RBMS3: variants seen among roughly 807,000 people sequenced by gnomAD.
RBMS3 encodes RNA-binding motif, single-stranded-interacting protein 3.
In RBMS3, 27 loss-of-function variants were observed where a neutral mutation model predicts 66.8. The ratio of observed to expected loss-of-function variants is 0.40; its 90% CI spans 0.30 to 0.56. The LOEUF (loss-of-function observed/expected upper bound fraction) is 0.56, where lower values mean the gene tolerates loss of function less well. Among genes scored for constraint, RBMS3 ranks in the 20% least tolerant of loss-of-function variants. The pLI, the probability that RBMS3 is intolerant of heterozygous loss-of-function variation, is 0.40. For missense variants in RBMS3, 513 were observed against 549.5 expected (o/e 0.93, Z 0.66); for synonymous variants, 188 against 183.0 (o/e 1.03, Z -0.22).
intron 2 of RBMS3, among the ~76,000 whole-genome samples, chr3:29,456,474 T>C (rs915416249): frequency 1.3e-5 from 2 of 152,196 alleles, no homozygotes; most frequent in African/African-American, 4.8e-5. Flanking sequence ...CGCATCTTAG[T>C]GATGATAATT....
intron 4 of RBMS3, among the ~76,000 whole-genome samples, chr3:29,676,790 G>A (rs2051276058): frequency 6.6e-6 from 1 of 151,798 alleles, no homozygotes. Flanking sequence ...AACTTTACTG[G>A]GTGTAAAACA....
intron 3 of RBMS3, among the ~76,000 whole-genome samples, chr3:29,560,946 C>T (rs563876907): frequency 8.5e-5 from 13 of 152,274 alleles, no homozygotes; most frequent in South Asian, 4.1e-4. Context: ...TGTGTCCATG[C>T]GTTCTCATCA....
intron 6 of RBMS3, among the ~76,000 whole-genome samples, chr3:29,856,055 T>G (rs1367053048): frequency 6.6e-6 from 1 of 152,152 alleles, no homozygotes; most frequent in African/African-American, 2.4e-5. Flanking sequence ...ATAAATGAAA[T>G]TGATTTATAA....
At chr3:29,781,089 A>T (rs576870720) in intron 6 of RBMS3, among the ~76,000 whole-genome samples, 2 of 150,436 alleles carry the variant, frequency 1.3e-5, no homozygotes, top group Non-Finnish European at 3.0e-5. Context: ...AGCATTAGGT[A>T]TGTCTCCTAA....
chr3:29,957,056 T>C (rs1225198438), intron 12 of RBMS3, among the ~76,000 whole-genome samples: 1 of 152,146 alleles, frequency 6.6e-6, no homozygotes, highest in African/African-American at 2.4e-5. Flanking sequence ...AACCTGCTAA[T>C]GCTGGCTTGT....
intron 3 of RBMS3, among the ~76,000 whole-genome samples, chr3:29,571,656 A>G (rs1483555498): frequency 1.3e-5 from 2 of 152,156 alleles, no homozygotes; most frequent in Non-Finnish European, 2.9e-5. Context: ...TGCCAGTACC[A>G]TGCTGTTTTG....
At chr3:29,783,639 T>TA (rs553467462) in intron 6 of RBMS3, among the ~76,000 whole-genome samples, 13 of 151,386 alleles carry the variant, frequency 8.6e-5, no homozygotes, top group African/African-American at 2.7e-4. Context: ...ATAACACAAT[T>TA]AAAAAAAAGT....
chr3:29,997,904 G>A (rs1034730502), intron 14 of RBMS3, among the ~76,000 whole-genome samples: 8 of 152,140 alleles, frequency 5.3e-5, no homozygotes, highest in Non-Finnish European at 1.2e-4. Context: ...ACATTGTGTT[G>A]GAAGTTCTGG....
intron 2 of RBMS3, among the ~76,000 whole-genome samples, chr3:29,446,970 G>A (rs540919429): frequency 1.3e-3 from 157 of 123,790 alleles, no homozygotes; most frequent in Non-Finnish European, 1.8e-3. Flanking sequence ...GCTGGAGTTC[G>A]TGGTGCCATC....
At chr3:29,719,097 G>A (rs59433395) in intron 4 of RBMS3, among the ~76,000 whole-genome samples, 8,597 of 152,016 alleles carry the variant, frequency 0.057, 315 homozygotes, top group African/African-American at 0.1. Flanking sequence ...TTGTTAAAAC[G>A]CAGATCTGAT....
chr3:29,394,182 A>G (rs1313983980), intron 1 of RBMS3, among the ~76,000 whole-genome samples: 3 of 152,170 alleles, frequency 2.0e-5, no homozygotes, highest in Non-Finnish European at 4.4e-5. Flanking sequence ...CCCCCTGGGA[A>G]TGCATTCCTT....
intron 1 of RBMS3, among the ~76,000 whole-genome samples, chr3:29,340,304 A>T (rs1324423633): frequency 6.6e-6 from 1 of 152,140 alleles, no homozygotes; most frequent in Non-Finnish European, 1.5e-5. Context: ...TACCAGTTTC[A>T]TGCCCATGAA....
At chr3:29,777,138 T>G (rs929456788) in intron 6 of RBMS3, among the ~76,000 whole-genome samples, 1 of 151,916 alleles carries the variant, frequency 6.6e-6, no homozygotes, top group Admixed American at 6.6e-5. Flanking sequence ...AAAGAAATTC[T>G]GTTCAACTAC....
At chr3:29,757,455 T>G (rs2055471064) in intron 5 of RBMS3, among the ~76,000 whole-genome samples, 1 of 152,186 alleles carries the variant, frequency 6.6e-6, no homozygotes, top group African/African-American at 2.4e-5. Context: ...ACCTGTAGAC[T>G]GGGTTTGGCC....
rs1425373787 is a variant in RBMS3, at chr3:29,868,865, T to C, written c.645T>C (p.Ser215=). The stretch of plus-strand genomic sequence containing the variant: ...GGTTTCTTATCTTCCCAGCCCCCAG[T>C]GAGCCTTTGCTGTGCAAATTCGCTG... The part of the protein sequence containing the change: ...LKTPPGIPAP[S]EPLLCKFADG... The change falls in exon 7 of 15, where the codon AGT becomes AGC. Residue 215 remains serine, a synonymous_variant. Coordinates refer to ENST00000383767, the MANE Select transcript of RBMS3 (RefSeq NM_001003793.3). 6.3e-7 allele frequency: 1 copy of C among 1,596,416 alleles called. No individual in the cohort carries two copies. Among genetic ancestry groups the C allele is most frequent in the Non-Finnish European group, 8.5e-7 (1 of 1,169,958 alleles).
At chr3:29,366,724 A>G (rs1009610495) in intron 1 of RBMS3, among the ~76,000 whole-genome samples, 2 of 152,196 alleles carry the variant, frequency 1.3e-5, no homozygotes, top group African/African-American at 4.8e-5. Flanking sequence ...TCTGGGGCCA[A>G]GAGTTCCCTG....
chr3:29,398,339 G>A (rs1195789546), intron 1 of RBMS3, among the ~76,000 whole-genome samples: 1 of 152,128 alleles, frequency 6.6e-6, no homozygotes, highest in Non-Finnish European at 1.5e-5. Flanking sequence ...CTAGGGAGCA[G>A]GATGGATACA....
intron 1 of RBMS3, among the ~76,000 whole-genome samples, chr3:29,419,460 A>G (rs573135447): frequency 6.6e-5 from 10 of 152,316 alleles, no homozygotes; most frequent in Non-Finnish European, 1.2e-4. Flanking sequence ...TTACCTGAGA[A>G]TTAGAAATCT....
Position 29,843,009 on chromosome 3 carries a change from C to T in RBMS3, c.638-25849C>T, listed in dbSNP as rs139809146. ...CTGAGTTTGTAGAAATTTGTTACAA[C>T]AGCCATAGGAAACTAATATACTTCT... On this transcript the variant is annotated intron_variant, in intron 6 of 14. Transcript: ENST00000383767. Among the ~76,000 whole-genome samples, 461 of 152,288 alleles carry T rather than the reference C, an allele frequency of 3.0e-3. 2 individuals are homozygous for T. The highest frequency in any genetic ancestry group is 0.011 in the African/African-American group (442 of 41,578).
Sources: gnomAD v4.1 joint callset for allele counts (sites outside exome capture counted in the v4.1 genomes callset) on GRCh38, gnomAD v4.1.1 for gene constraint, MANE v1.5 for transcripts, NCBI Gene and HGNC (gene_info 2026-07-23, HGNC 2026-07-21) for gene names.